Variants in CALN1 observed in about 807,000 individuals in gnomAD.
The protein encoded by CALN1 is calneuron 1.
CALN1 carries 17 observed loss-of-function variants against 30.6 expected under a neutral mutation model. The observed-to-expected ratio is 0.56, with a 90% CI of 0.38 to 0.83. The LOEUF (loss-of-function observed/expected upper bound fraction) is 0.83, where lower values mean the gene tolerates loss of function less well. Ranked by LOEUF, CALN1 falls within the 40% of genes least tolerant of loss-of-function variation. CALN1 has a pLI of 0.00. For missense variants in CALN1, 291 were observed against 354.9 expected, an observed-to-expected ratio of 0.82 and a Z score of 1.45; for synonymous variants, 156 against 131.4, an observed-to-expected ratio of 1.19 and a Z score of -1.28.
chr7:72,472,578 AG>A, the CALN1 span, among the ~76,000 whole-genome samples: 3 of 152,072 alleles, frequency 2.0e-5, no homozygotes, highest in African/African-American at 4.8e-5. Flanking sequence ...TGAGGTCAGG[AG>A]TTCGAGACCA....
In CALN1 at chr7:72,006,839, G is replaced by A. The variant is rs574346082; in HGVS notation, c.501+16818C>T. Reference sequence around the variant, plus strand: ...ATCTCAGCTCCTCCAACCCTAGTCCGAGTCATCCGCATGCCTCCCAGACTC... The same window carrying A: ...ATCTCAGCTCCTCCAACCCTAGTCCAAGTCATCCGCATGCCTCCCAGACTC... On this transcript the variant is annotated intron_variant, in intron 5 of 6. Coordinates refer to ENST00000395275, the MANE Select transcript of CALN1 (RefSeq NM_031468.4). Among the ~76,000 whole-genome samples, 8 of 152,186 alleles carry A rather than the reference G, an allele frequency of 5.3e-5. 1 individual carries two copies. The South Asian group carries it at 1.2e-3, about 24-fold the overall frequency.
intron 2 of CALN1, among the ~76,000 whole-genome samples, chr7:72,335,211 T>C (rs957305965): frequency 2.0e-5 from 3 of 152,304 alleles, no homozygotes; most frequent in East Asian, 1.9e-4. Flanking sequence ...GAAGGAGAGC[T>C]GGAATGGGGC....
At chr7:72,466,675 G>A in the CALN1 span, among the ~76,000 whole-genome samples, 11 of 151,810 alleles carry the variant, frequency 7.2e-5, no homozygotes, top group Non-Finnish European at 1.0e-4. Flanking sequence ...TCCAGGAGGC[G>A]GAGTTTGCAG....
intron 5 of CALN1, among the ~76,000 whole-genome samples, chr7:71,818,221 A>T (rs1404762847): frequency 6.6e-6 from 1 of 152,030 alleles, no homozygotes; most frequent in Non-Finnish European, 1.5e-5. Flanking sequence ...GGCTTTCTGG[A>T]GAACATGCCT....
upstream of CALN1, among the ~76,000 whole-genome samples, chr7:72,414,985 T>A (rs983823600): frequency 6.6e-6 from 1 of 152,340 alleles, no homozygotes; most frequent in East Asian, 1.9e-4. Context: ...CCAATTGGAC[T>A]GTGGCTTTAT....
the CALN1 span, among the ~76,000 whole-genome samples, chr7:72,482,628 A>C: frequency 5.9e-5 from 9 of 152,080 alleles, no homozygotes; most frequent in Admixed American, 1.3e-4. Flanking sequence ...GTATTCTTCA[A>C]TTTCTCCACT....
chr7:71,977,077 C>G (rs1798136700), intron 5 of CALN1, among the ~76,000 whole-genome samples: 1 of 152,164 alleles, frequency 6.6e-6, no homozygotes, highest in Admixed American at 6.5e-5. Context: ...TATGAGTTGA[C>G]TTTCCATATA....
chr7:71,917,293 T>C lies in CALN1; in HGVS notation c.501+106364A>G, dbSNP rs561203754. On this transcript the variant is annotated intron_variant, in intron 5 of 6. Transcript: ENST00000395275. ...GTGGTAGAAATGGGGAGACAGATGT[T>C]GGTCAAAAGGTACAAATGTTCAGTT... Among the ~76,000 whole-genome samples, 3 of 152,282 alleles carry C rather than the reference T, an allele frequency of 2.0e-5. No individual in the cohort carries two copies. In the East Asian group the frequency reaches 5.8e-4, roughly 29 times the overall value.
intron 1 of CALN1, among the ~76,000 whole-genome samples, chr7:72,433,918 C>T (rs1808058470): frequency 6.6e-6 from 1 of 151,832 alleles, no homozygotes; most frequent in South Asian, 2.1e-4. Flanking sequence ...ATTAGCCAGG[C>T]AGGGTGGTGG....
chr7:72,305,662 G>C (rs1001319778), intron 2 of CALN1, among the ~76,000 whole-genome samples: 16 of 152,300 alleles, frequency 1.1e-4, no homozygotes, highest in African/African-American at 3.1e-4. Flanking sequence ...ATTGATTGTT[G>C]AGAGTTCTCT....
At chr7:71,856,035 A>G (rs1482088818) in intron 5 of CALN1, among the ~76,000 whole-genome samples, 1 of 151,978 alleles carries the variant, frequency 6.6e-6, no homozygotes, top group African/African-American at 2.4e-5. Context: ...TGTATTTTGT[A>G]TATGTAGATA....
chr7:72,226,635 T>C (rs370479430), intron 3 of CALN1, among the ~76,000 whole-genome samples: 2 of 152,164 alleles, frequency 1.3e-5, no homozygotes, highest in African/African-American at 4.8e-5. Context: ...TCCTACACTG[T>C]AGAGATAAGA....
intron 5 of CALN1, among the ~76,000 whole-genome samples, chr7:71,963,722 T>C (rs1797385149): frequency 6.6e-6 from 1 of 151,826 alleles, no homozygotes; most frequent in Non-Finnish European, 1.5e-5. Flanking sequence ...TACTGATACA[T>C]GTACTGCAAT....
At chr7:72,326,844 A>G (rs1345317222) in intron 2 of CALN1, among the ~76,000 whole-genome samples, 1 of 152,148 alleles carries the variant, frequency 6.6e-6, no homozygotes, top group East Asian at 1.9e-4. Flanking sequence ...TTGACAGTGC[A>G]CATGTCACTC....
intron 5 of CALN1, among the ~76,000 whole-genome samples, chr7:72,003,388 C>T (rs1440611108): frequency 3.9e-5 from 6 of 152,156 alleles, no homozygotes; most frequent in Admixed American, 1.3e-4. Context: ...GTGTCCCCAA[C>T]TCCCGGGCCA....
At chr7:72,353,760 T>C (rs1803069626) in intron 2 of CALN1, among the ~76,000 whole-genome samples, 1 of 152,192 alleles carries the variant, frequency 6.6e-6, no homozygotes, top group African/African-American at 2.4e-5. Context: ...AGAAGTAAAA[T>C]TGTTTTTATT....
intron 3 of CALN1, among the ~76,000 whole-genome samples, chr7:72,133,935 C>T (rs960103857): frequency 6.6e-6 from 1 of 152,196 alleles, no homozygotes; most frequent in Non-Finnish European, 1.5e-5. Context: ...CTAAATGCTA[C>T]AGTTTGAGTA....
At chr7:72,318,423 G>A (rs974123963) in intron 2 of CALN1, among the ~76,000 whole-genome samples, 1 of 152,182 alleles carries the variant, frequency 6.6e-6, no homozygotes, top group African/African-American at 2.4e-5. Flanking sequence ...ATTCCTTGCA[G>A]AAGAACCACC....
intron 5 of CALN1, among the ~76,000 whole-genome samples, chr7:71,918,705 C>T (rs1173257177): frequency 6.6e-6 from 1 of 152,146 alleles, no homozygotes; most frequent in Non-Finnish European, 1.5e-5. Context: ...CCTAAAGCAG[C>T]CTAGACCAAG....
Sources: allele counts gnomAD v4.1 joint callset (sites outside exome capture counted in the v4.1 genomes callset), GRCh38; gene constraint gnomAD v4.1.1; transcripts MANE v1.5; gene names NCBI Gene and HGNC (gene_info 2026-07-23, HGNC 2026-07-21).